Variants in R3HDM1 observed in about 807,000 individuals in gnomAD.
The protein encoded by R3HDM1 is R3H domain containing 1.
In R3HDM1, 46 loss-of-function variants were observed where a neutral mutation model predicts 141.1. That is an observed-to-expected ratio of 0.33 (90% CI 0.26 to 0.42). R3HDM1 has a LOEUF of 0.42. R3HDM1 is among the 10% of genes least tolerant of loss of function. The pLI is 1.00. For synonymous variants in R3HDM1, 435 were observed against 472.9 expected, an observed-to-expected ratio of 0.92 and a Z score of 1.04; for missense variants, 1,184 against 1,368.3, an observed-to-expected ratio of 0.87 and a Z score of 2.12.
At chr2:135,549,454 C>A (rs747786423) in intron 1 of R3HDM1, among the ~76,000 whole-genome samples, 3 of 148,444 alleles carry the variant, frequency 2.0e-5, no homozygotes, top group Non-Finnish European at 4.4e-5. Context: ...ACTCGGGAGA[C>A]GGAGGTTGAG....
chr2:135,685,530 CT>C (rs1243766010), intron 21 of R3HDM1, among the ~76,000 whole-genome samples: 1 of 152,160 alleles, frequency 6.6e-6, no homozygotes, highest in East Asian at 1.9e-4. Flanking sequence ...TTCCACCAGC[CT>C]GTATTTGTTT....
intron 1 of R3HDM1, among the ~76,000 whole-genome samples, chr2:135,584,633 T>A (rs756152956): frequency 1.3e-5 from 2 of 152,218 alleles, no homozygotes; most frequent in Non-Finnish European, 2.9e-5. Flanking sequence ...TTACTTCCCT[T>A]CATAATTAGA....
intron 19 of R3HDM1, among the ~76,000 whole-genome samples, chr2:135,662,611 G>A (rs1474961505): frequency 6.6e-6 from 1 of 152,104 alleles, no homozygotes; most frequent in African/African-American, 2.4e-5. Context: ...GGTCATTTTA[G>A]CCAAGTTAGA....
At chr2:135,551,685 T>TTTTACATTGAAAAG (rs1699880690) in intron 1 of R3HDM1, among the ~76,000 whole-genome samples, 2 of 152,210 alleles carry the variant, frequency 1.3e-5, no homozygotes, top group South Asian at 4.1e-4. Flanking sequence ...CATTGTGGGG[T>TTTTACATTGAAAAG]ATTAGGAGAA....
intron 1 of R3HDM1, among the ~76,000 whole-genome samples, chr2:135,568,484 G>A (rs1255963974): frequency 1.3e-5 from 2 of 151,848 alleles, no homozygotes; most frequent in East Asian, 3.9e-4. Flanking sequence ...CGAGTAGCTG[G>A]GATTACAGTG....
intron 18 of R3HDM1, among the ~76,000 whole-genome samples, chr2:135,658,420 C>G (rs2066212988): frequency 6.6e-6 from 1 of 152,192 alleles, no homozygotes; most frequent in Non-Finnish European, 1.5e-5. Flanking sequence ...CCCGCCTCAG[C>G]CTTCAGAAGT....
intron 20 of R3HDM1, 71 bp from the exon 21 acceptor site, chr2:135,680,102 G>A (rs1461680785): frequency 3.5e-6 from 5 of 1,442,898 alleles, no homozygotes; most frequent in Non-Finnish European, 4.8e-6. Context: ...GTTTATGGAG[G>A]TTGAAAACAT....
intron 21 of R3HDM1, among the ~76,000 whole-genome samples, chr2:135,693,968 C>T (rs952694931): frequency 7.9e-5 from 12 of 151,946 alleles, no homozygotes; most frequent in African/African-American, 2.7e-4. Context: ...CACGCCATTG[C>T]ACTCCAGCCT....
Position 135,654,150 on chromosome 2 carries a change from G to A in R3HDM1, c.2028+2118G>A, listed in dbSNP as rs117004367. ...TTGTTCCTCCATTTCCCAGCCCCTG[G>A]CAACCACCAATCTGCTTCTGTCTCC... On this transcript the variant is annotated intron_variant, in intron 18 of 26. Transcript: ENST00000683871. Among the ~76,000 whole-genome samples the A allele has an allele frequency of 1.1e-4, 16 of 151,934 alleles. No individual in the cohort carries two copies. In the East Asian group the frequency reaches 3.1e-3, roughly 29 times the overall value.
chr2:135,642,075 G>A (rs1479349343), intron 15 of R3HDM1, among the ~76,000 whole-genome samples: 1 of 152,026 alleles, frequency 6.6e-6, no homozygotes, highest in African/African-American at 2.4e-5. Flanking sequence ...AACTACCCAC[G>A]AAAGAGCTTT....
At chr2:135,608,233 T>C (rs1189220839) in intron 3 of R3HDM1, among the ~76,000 whole-genome samples, 2 of 151,962 alleles carry the variant, frequency 1.3e-5, no homozygotes, top group Non-Finnish European at 2.9e-5. Context: ...GGAGAATCAC[T>C]TGAACCCAGG....
intron 16 of R3HDM1, among the ~76,000 whole-genome samples, chr2:135,648,851 G>A (rs902241981): frequency 6.6e-6 from 1 of 151,162 alleles, no homozygotes; most frequent in African/African-American, 2.4e-5. Flanking sequence ...TGAAACTCAG[G>A]AGTATTTCAT....
At chr2:135,533,933 GAC>G (rs1695493123) in intron 1 of R3HDM1, 3 of 905,128 alleles carry the variant, frequency 3.3e-6, no homozygotes, top group Non-Finnish European at 2.6e-6. Flanking sequence ...CATTGTGCCT[GAC>G]ACAGTTTGTG....
chr2:135,616,424 T>G (rs980006706), intron 4 of R3HDM1, among the ~76,000 whole-genome samples: 2 of 152,230 alleles, frequency 1.3e-5, no homozygotes, highest in Non-Finnish European at 2.9e-5. Context: ...TCACCATTTT[T>G]GGGGATATGA....
chr2:135,678,165 A>G (rs111416328), intron 20 of R3HDM1, among the ~76,000 whole-genome samples: 33 of 151,990 alleles, frequency 2.2e-4, no homozygotes, highest in African/African-American at 7.7e-4. Flanking sequence ...GTGTTTCACC[A>G]TGTTGGCCAG....
intron 1 of R3HDM1, among the ~76,000 whole-genome samples, chr2:135,541,066 C>T (rs1697374334): frequency 6.6e-6 from 1 of 152,124 alleles, no homozygotes; most frequent in African/African-American, 2.4e-5. Flanking sequence ...CTGTTGTAAA[C>T]AGATGTGCTG....
chr2:135,543,210 A>G (rs985929066), intron 1 of R3HDM1: 30 of 465,278 alleles, frequency 6.4e-5, no homozygotes, highest in Non-Finnish European at 7.0e-5. Context: ...TTTCTGCACC[A>G]TTAGTTGAAA....
At chr2:135,655,644 C>T (rs1183086775) in intron 18 of R3HDM1, among the ~76,000 whole-genome samples, 1 of 151,776 alleles carries the variant, frequency 6.6e-6, no homozygotes, top group Non-Finnish European at 1.5e-5. Flanking sequence ...GTAGCTGGGA[C>T]TACAGGTGCC....
chr2:135,604,765 T>C (rs1183237893), intron 2 of R3HDM1, 41 bp from the exon 3 acceptor site: 2 of 1,443,986 alleles, frequency 1.4e-6, no homozygotes, highest in East Asian at 2.3e-5. Flanking sequence ...AGTAACTGAA[T>C]GTAAAAAAGT....
Sources: allele counts gnomAD v4.1 joint callset (sites outside exome capture counted in the v4.1 genomes callset), GRCh38; gene constraint gnomAD v4.1.1; transcripts MANE v1.5; gene names NCBI Gene and HGNC (gene_info 2026-07-23, HGNC 2026-07-21).